HSD17B12: variants seen among roughly 807,000 people sequenced by gnomAD.
HSD17B12 encodes the protein very-long-chain 3-oxoacyl-CoA reductase.
Under a neutral mutation model 39.3 loss-of-function variants are expected in HSD17B12, and 32 were observed. The ratio of observed to expected loss-of-function variants is 0.81; its 90% CI spans 0.61 to 1.09. HSD17B12 has a LOEUF of 1.09. Ranked by LOEUF, HSD17B12 falls within the 50% of genes least tolerant of loss-of-function variation. The pLI, the probability that HSD17B12 is intolerant of heterozygous loss-of-function variation, is 0.00. For synonymous variants in HSD17B12, 150 were observed against 146.7 expected, an observed-to-expected ratio of 1.02 and a Z score of -0.16; for missense variants, 342 against 382.9, an observed-to-expected ratio of 0.89 and a Z score of 0.89.
chr11:43,850,579 G>T (rs1770409406), intron 9 of HSD17B12, among the ~76,000 whole-genome samples: 1 of 152,184 alleles, frequency 6.6e-6, no homozygotes, highest in Non-Finnish European at 1.5e-5. Flanking sequence ...GATGACACCT[G>T]AAAGATGCCC....
intron 7 of HSD17B12, among the ~76,000 whole-genome samples, chr11:43,836,537 A>G (rs564555779): frequency 2.0e-5 from 3 of 152,276 alleles, no homozygotes; most frequent in African/African-American, 7.2e-5. Context: ...AATTTCACAT[A>G]CTGAACAATC....
At chr11:43,558,418 A>G in the HSD17B12 span, among the ~76,000 whole-genome samples, 1 of 20,620 alleles carries the variant, frequency 4.8e-5, no homozygotes, top group Non-Finnish European at 1.1e-4. Context: ...TGTGTCTGAG[A>G]GCAGGATTTT....
At chr11:43,750,309 T>TA (rs1950453994) in intron 1 of HSD17B12, among the ~76,000 whole-genome samples, 1 of 152,196 alleles carries the variant, frequency 6.6e-6, no homozygotes, top group African/African-American at 2.4e-5. Context: ...TTCTTAAACT[T>TA]ACATTTTTAT....
intron 3 of HSD17B12, among the ~76,000 whole-genome samples, chr11:43,776,780 G>C (rs1950709131): frequency 6.6e-6 from 1 of 152,024 alleles, no homozygotes; most frequent in South Asian, 2.1e-4. Flanking sequence ...ATTGATTTTT[G>C]TATAAGGTGT....
chr11:43,776,077 C>T (rs560035071), intron 3 of HSD17B12, among the ~76,000 whole-genome samples: 14 of 152,110 alleles, frequency 9.2e-5, no homozygotes, highest in African/African-American at 2.9e-4. Flanking sequence ...CGTGTGCATG[C>T]GTCTTTATAG....
At chr11:43,771,363 A>G (rs1320999754) in intron 3 of HSD17B12, among the ~76,000 whole-genome samples, 1 of 152,042 alleles carries the variant, frequency 6.6e-6, no homozygotes, top group Non-Finnish European at 1.5e-5. Context: ...ATTATCAATA[A>G]CGTGACTATG....
At chr11:43,794,956 A>G (rs1950903374) in intron 3 of HSD17B12, among the ~76,000 whole-genome samples, 1 of 152,106 alleles carries the variant, frequency 6.6e-6, no homozygotes, top group Admixed American at 6.5e-5. Context: ...CTACTCCAAA[A>G]ACTTTGGTAA....
At chr11:43,634,146 G>A in the HSD17B12 span, among the ~76,000 whole-genome samples, 1 of 131,144 alleles carries the variant, frequency 7.6e-6, no homozygotes, top group Admixed American at 7.8e-5. Context: ...AGATACTTTA[G>A]CATTTCTTTA....
the HSD17B12 span, among the ~76,000 whole-genome samples, chr11:43,662,064 G>T: frequency 6.6e-6 from 1 of 152,140 alleles, no homozygotes; most frequent in Non-Finnish European, 1.5e-5. Flanking sequence ...GCTCGGCATG[G>T]TGGTGCACGC....
chr11:43,696,916 G>A (rs766191974), intron 1 of HSD17B12, among the ~76,000 whole-genome samples: 6 of 151,866 alleles, frequency 4.0e-5, no homozygotes, highest in Non-Finnish European at 7.4e-5. Context: ...TAGGAACAGA[G>A]GACCAAACAC....
chr11:43,651,921 G>A, the HSD17B12 span, among the ~76,000 whole-genome samples: 2 of 152,106 alleles, frequency 1.3e-5, no homozygotes, highest in Non-Finnish European at 2.9e-5. Flanking sequence ...AATACCTAGG[G>A]ATACATATAA....
At chr11:43,632,599 T>C in the HSD17B12 span, among the ~76,000 whole-genome samples, 2 of 152,174 alleles carry the variant, frequency 1.3e-5, no homozygotes, top group Admixed American at 1.3e-4. Flanking sequence ...CAAACTAACT[T>C]ATTTATTGAT....
At chr11:43,799,584 CA>C (rs749954029) in intron 4 of HSD17B12, among the ~76,000 whole-genome samples, 8 of 151,688 alleles carry the variant, frequency 5.3e-5, no homozygotes, top group Middle Eastern at 3.4e-3. Flanking sequence ...CATCTAGTTC[CA>C]AAAAAAACTA....
At chr11:43,557,739 C>G in the HSD17B12 span, among the ~76,000 whole-genome samples, 350 of 152,134 alleles carry the variant, frequency 2.3e-3, no homozygotes, top group African/African-American at 7.9e-3. Context: ...GATACTGAGC[C>G]CTGCAGGGTG....
At chr11:43,658,327 A>G in the HSD17B12 span, among the ~76,000 whole-genome samples, 2 of 152,006 alleles carry the variant, frequency 1.3e-5, no homozygotes, top group African/African-American at 2.4e-5. Flanking sequence ...CTTCTTTGCC[A>G]TTGGTTCGAA....
chr11:43,679,661 A>C (rs1372687753), upstream of HSD17B12, among the ~76,000 whole-genome samples: 1 of 152,218 alleles, frequency 6.6e-6, no homozygotes, highest in Non-Finnish European at 1.5e-5. Flanking sequence ...TTTGAAGACA[A>C]ATTAAAAGAT....
chr11:43,692,357 G>T (rs1053945553), intron 1 of HSD17B12, among the ~76,000 whole-genome samples: 3 of 152,094 alleles, frequency 2.0e-5, no homozygotes, highest in African/African-American at 7.2e-5. Flanking sequence ...GACAAAGCTG[G>T]TTACAGAGTT....
At chr11:43,807,380 C>T (rs970372549) in intron 4 of HSD17B12, among the ~76,000 whole-genome samples, 3 of 152,014 alleles carry the variant, frequency 2.0e-5, no homozygotes, top group Non-Finnish European at 4.4e-5. Flanking sequence ...GTGGAGGAAA[C>T]GGCATGTACA....
At chr11:43,810,648 C>T (rs553967461) in intron 4 of HSD17B12, among the ~76,000 whole-genome samples, 2 of 152,160 alleles carry the variant, frequency 1.3e-5, no homozygotes, top group East Asian at 3.9e-4. Flanking sequence ...TGCCTCATCT[C>T]TTTTATTGAG....
Sources: gnomAD v4.1 joint callset for allele counts (sites outside exome capture counted in the v4.1 genomes callset) on GRCh38, gnomAD v4.1.1 for gene constraint, MANE v1.5 for transcripts, NCBI Gene and HGNC (gene_info 2026-07-23, HGNC 2026-07-21) for gene names.